The following CRHR1 variants were observed in gnomAD, a reference collection of about 807,000 sequenced individuals.
The protein encoded by CRHR1 is corticotropin-releasing hormone receptor 1.
A neutral mutation model predicts 56.0 loss-of-function variants in CRHR1; 28 were observed. The observed-to-expected ratio is 0.50, with a 90% CI of 0.37 to 0.69. The LOEUF is 0.69. Among genes scored for constraint, CRHR1 ranks in the 30% least tolerant of loss-of-function variants. The probability of loss-of-function intolerance (pLI) is 0.00; values close to 1 mark genes in which losing one functional copy is unlikely to be tolerated. For missense variants in CRHR1, 376 were observed against 548.0 expected (o/e 0.69, Z 3.13); for synonymous variants, 195 against 216.5 (o/e 0.90, Z 0.87).
intron 1 of CRHR1, chr17:45,800,763 A>G (rs1328079131): frequency 1.3e-5 from 2 of 151,696 alleles, no homozygotes; most frequent in Non-Finnish European, 2.9e-5. Flanking sequence ...GGCTCTGGGG[A>G]CTCTCCCAAG....
chr17:45,788,550 A>G (rs1411725646), intron 1 of CRHR1, among the ~76,000 whole-genome samples: 1 of 152,206 alleles, frequency 6.6e-6, no homozygotes, highest in Admixed American at 6.5e-5. Flanking sequence ...GTCCCCAGCT[A>G]TAAAATGGGG....
At chr17:45,795,329 A>T (rs1412568049) in intron 1 of CRHR1, among the ~76,000 whole-genome samples, 1 of 152,156 alleles carries the variant, frequency 6.6e-6, no homozygotes, top group African/African-American at 2.4e-5. Context: ...CCCCGCCCCC[A>T]TAATGGGCAG....
intron 1 of CRHR1, among the ~76,000 whole-genome samples, chr17:45,804,815 AT>A (rs2061690477): frequency 2.0e-5 from 1 of 49,042 alleles, no homozygotes; most frequent in African/African-American, 7.3e-5. Context: ...ATCGCAATAG[AT>A]AATTTTTTTT....
At chr17:45,832,420 G>A (rs2062335563) in intron 8 of CRHR1, among the ~76,000 whole-genome samples, 1 of 152,202 alleles carries the variant, frequency 6.6e-6, no homozygotes, top group South Asian at 2.1e-4. Context: ...GCTGTGTGTG[G>A]CCAGCATGGT....
chr17:45,799,207 A>G (rs1357489574), intron 1 of CRHR1, among the ~76,000 whole-genome samples: 3 of 152,316 alleles, frequency 2.0e-5, no homozygotes, highest in Admixed American at 1.3e-4. Flanking sequence ...TTGCAAGTCT[A>G]TCCCCCACTG....
At position 45,829,669 on chromosome 17, in the gene CRHR1, C is replaced by T. The variant is rs780084051; in HGVS notation, c.434+348C>T. The T allele has an allele frequency of 1.6e-5, 25 of 1,547,750 alleles. No homozygotes were observed. The East Asian group carries it at 2.0e-4, about 12-fold the overall frequency. The stretch of plus-strand genomic sequence containing the variant: ...GAAGGTACCTGGGCCCCAGCACTAC[C>T]GCCAAGGATGCAGGTGGCAGAGCCG... On this transcript the variant is annotated intron_variant, in intron 5 of 12. Coordinates refer to ENST00000314537, the MANE Select transcript of CRHR1 (RefSeq NM_004382.5).
intron 4 of CRHR1, among the ~76,000 whole-genome samples, chr17:45,822,085 G>T (rs560007922): frequency 6.6e-6 from 1 of 151,850 alleles, no homozygotes; most frequent in South Asian, 2.1e-4. Flanking sequence ...TTTTGTATAC[G>T]TATTCTTTTT....
intron 4 of CRHR1, among the ~76,000 whole-genome samples, chr17:45,823,642 C>G (rs2062094554): frequency 6.6e-6 from 1 of 152,166 alleles, no homozygotes; most frequent in African/African-American, 2.4e-5. Flanking sequence ...CTCCGGAGCA[C>G]AGGCTCTGCA....
chr17:45,806,734 G>T (rs974711734), intron 1 of CRHR1, among the ~76,000 whole-genome samples: 3 of 152,158 alleles, frequency 2.0e-5, no homozygotes, highest in African/African-American at 4.8e-5. Context: ...GGTAAAATTC[G>T]CCTCTTCCCT....
chr17:45,795,700 A>G (rs1441498991), intron 1 of CRHR1, among the ~76,000 whole-genome samples: 2 of 152,138 alleles, frequency 1.3e-5, no homozygotes, highest in African/African-American at 4.8e-5. Context: ...CCACAGGCCT[A>G]TTGAACCCCA....
At chr17:45,810,705 G>T (rs1331898332) in intron 2 of CRHR1, among the ~76,000 whole-genome samples, 1 of 152,194 alleles carries the variant, frequency 6.6e-6, no homozygotes, top group Admixed American at 6.5e-5. Flanking sequence ...CTGCTGGGAA[G>T]GCAAAAGTGA....
Position 45,784,627 on chromosome 17 carries a change from C to T in CRHR1, c.33+50C>T, listed in dbSNP as rs1203424499. 6.6e-7 allele frequency: 1 copy of T among 1,524,252 alleles called. No individual in the cohort carries two copies. Among genetic ancestry groups the T allele is most frequent in the East Asian group, 2.6e-5 (1 of 38,490 alleles). The allele number at this position is 1,524,252 out of a possible 1,614,324, so 94.4% of individuals were successfully genotyped here. A position where few individuals can be genotyped will look rare whatever the true frequency, so the allele number is the denominator to read the frequency against. On this transcript the variant is annotated intron_variant, in intron 1 of 12. Coordinates refer to ENST00000314537, the MANE Select transcript of CRHR1 (RefSeq NM_004382.5). The surrounding 1 kb of genome is among the most constrained non-coding windows in gnomAD (Gnocchi z 4.2). ...GAGCGCTGGCGCCCCCGGCCCCTGG[C>T]GGACGCGGGACGGGGCTGGGCTGTG...
At position 45,834,862 on chromosome 17, in the gene CRHR1, T is replaced by G; in HGVS notation, c.*98T>G. On this transcript the variant is annotated 3_prime_UTR_variant, in exon 13 of 13. Transcript: ENST00000314537. ...GCCTGTGGAGGTGACCTGTTAGGTC[T>G]CATGCCCACTCCCCCAGGAGCAGCT... 5 of 1,501,068 alleles carry G rather than the reference T, an allele frequency of 3.3e-6. No homozygotes were observed. In the South Asian group the frequency reaches 5.9e-5, roughly 18 times the overall value. 93.0% of individuals were successfully genotyped at this position (1,501,068 alleles called of 1,614,324 possible). A position where few individuals can be genotyped will look rare whatever the true frequency, so the allele number is the denominator to read the frequency against.
At position 45,784,374 on chromosome 17, in the gene CRHR1, C is replaced by G. The variant is rs1202988890; in HGVS notation, c.-171C>G. 2 of 400,314 alleles carry G rather than the reference C, an allele frequency of 5.0e-6. No homozygotes were observed. The highest frequency in any genetic ancestry group is 8.2e-6 in the Non-Finnish European group (2 of 244,710). 24.8% of individuals were successfully genotyped at this position (400,314 alleles called of 1,614,324 possible). A position where few individuals can be genotyped will look rare whatever the true frequency, so the allele number is the denominator to read the frequency against. ...GGGGCGAGCGAGAGCCGGGCCGGGC[C>G]GGGCCGGGCCGCGGGGCCGGGAAGC... On this transcript the variant is annotated 5_prime_UTR_variant, in exon 1 of 13. Transcript: ENST00000314537. This position sits in a 1 kb window ranked among gnomAD's most constrained non-coding sequence, Gnocchi z 4.2.
intron 1 of CRHR1, among the ~76,000 whole-genome samples, chr17:45,790,655 GC>G (rs938953390): frequency 1.3e-5 from 2 of 152,156 alleles, no homozygotes; most frequent in African/African-American, 4.8e-5. Context: ...GTGTGCATCT[GC>G]CCCCCTCCGC....
At chr17:45,811,792 C>G (rs1456248380) in intron 2 of CRHR1, among the ~76,000 whole-genome samples, 1 of 152,206 alleles carries the variant, frequency 6.6e-6, no homozygotes, top group African/African-American at 2.4e-5. Context: ...AAAAGAGCAC[C>G]TTGGTCAGCC....
intron 1 of CRHR1, among the ~76,000 whole-genome samples, chr17:45,785,859 G>A (rs2061326567): frequency 6.6e-6 from 1 of 152,102 alleles, no homozygotes; most frequent in African/African-American, 2.4e-5. Context: ...AATGATCAAG[G>A]GTTGGTCTTA....
chr17:45,789,790 C>A (rs2061395810), intron 1 of CRHR1, among the ~76,000 whole-genome samples: 1 of 152,190 alleles, frequency 6.6e-6, no homozygotes, highest in Non-Finnish European at 1.5e-5. Flanking sequence ...GCAGATGAAG[C>A]AAATGTGGGC....
chr17:45,801,646 C>T (rs901494157), intron 1 of CRHR1, among the ~76,000 whole-genome samples: 6 of 152,206 alleles, frequency 3.9e-5, no homozygotes, highest in African/African-American at 1.2e-4. Flanking sequence ...CTGCCAGCTT[C>T]AGCTTCAGTG....
Sources: gnomAD v4.1 joint callset for allele counts (sites outside exome capture counted in the v4.1 genomes callset) on GRCh38, gnomAD v4.1.1 for gene constraint, Gnocchi (gnomAD v3.1) non-coding constraint, MANE v1.5 for transcripts, NCBI Gene and HGNC (gene_info 2026-07-23, HGNC 2026-07-21) for gene names.